AOAH: variants seen among roughly 807,000 people sequenced by gnomAD.
AOAH encodes the protein acyloxyacyl hydrolase (neutrophil).
AOAH carries 64 observed loss-of-function variants against 92.2 expected under a neutral mutation model. The ratio of observed to expected loss-of-function variants is 0.69; its 90% CI spans 0.57 to 0.86. AOAH has a LOEUF of 0.86. Among genes scored for constraint, AOAH ranks in the 40% least tolerant of loss-of-function variants. The pLI, the probability that AOAH is intolerant of heterozygous loss-of-function variation, is 0.00. For synonymous variants in AOAH, 263 were observed against 254.5 expected, an observed-to-expected ratio of 1.03 and a Z score of -0.32; for missense variants, 656 against 694.6, an observed-to-expected ratio of 0.94 and a Z score of 0.62.
At chr7:36,618,555 A>G (rs1471587490) in intron 9 of AOAH, among the ~76,000 whole-genome samples, 1 of 152,254 alleles carries the variant, frequency 6.6e-6, no homozygotes, top group Non-Finnish European at 1.5e-5. Context: ...AGAGAGCCAG[A>G]CACTGAACCA....
intron 19 of AOAH, among the ~76,000 whole-genome samples, chr7:36,523,980 C>T (rs1164657985): frequency 1.3e-5 from 2 of 152,040 alleles, no homozygotes; most frequent in Non-Finnish European, 2.9e-5. Context: ...AGGAGTCTCT[C>T]AAACAAAAAT....
intron 11 of AOAH, among the ~76,000 whole-genome samples, chr7:36,613,783 C>T (rs1176032786): frequency 6.6e-6 from 1 of 152,232 alleles, no homozygotes; most frequent in Non-Finnish European, 1.5e-5. Context: ...GCAATTTCCT[C>T]TCAATTATTG....
At chr7:36,513,435 C>T in intron 20 of AOAH, 55 bp from the exon 21 acceptor site, 1 of 1,568,800 alleles carries the variant, frequency 6.4e-7, no homozygotes, top group Admixed American at 1.7e-5. Flanking sequence ...AAATCACTTA[C>T]CAACAAGATT....
intron 4 of AOAH, among the ~76,000 whole-genome samples, chr7:36,642,620 AT>A: frequency 6.6e-6 from 1 of 152,198 alleles, no homozygotes; most frequent in Non-Finnish European, 1.5e-5. Context: ...GCTAAGAGTA[AT>A]TTGGATGATG....
At chr7:36,676,535 A>C (rs1021231196) in intron 2 of AOAH, among the ~76,000 whole-genome samples, 1 of 152,332 alleles carries the variant, frequency 6.6e-6, no homozygotes, top group African/African-American at 2.4e-5. Flanking sequence ...ATTCTTCCCA[A>C]ACTGATCCAC....
intron 11 of AOAH, among the ~76,000 whole-genome samples, chr7:36,602,944 CA>C (rs1790716782): frequency 6.6e-6 from 1 of 152,128 alleles, no homozygotes; most frequent in Non-Finnish European, 1.5e-5. Flanking sequence ...GAGGCTGTCC[CA>C]AAACCTTGCC....
intron 19 of AOAH, among the ~76,000 whole-genome samples, chr7:36,524,298 G>C (rs1784269779): frequency 6.6e-6 from 1 of 151,950 alleles, no homozygotes; most frequent in Non-Finnish European, 1.5e-5. Flanking sequence ...GCAGTATGAT[G>C]GCATAGGTAA....
chr7:36,606,110 A>C (rs1462953642), intron 11 of AOAH, among the ~76,000 whole-genome samples: 1 of 152,232 alleles, frequency 6.6e-6, no homozygotes, highest in East Asian at 1.9e-4. Flanking sequence ...AGTCGACATG[A>C]AGGTAACTCA....
chr7:36,650,844 C>T (rs4570047), intron 4 of AOAH, among the ~76,000 whole-genome samples: 125,065 of 152,298 alleles, frequency 0.82, 51,714 homozygotes, highest in African/African-American at 0.93. Context: ...AAGAAAGACA[C>T]GGTCCTTGTG....
intron 16 of AOAH, among the ~76,000 whole-genome samples, chr7:36,537,506 GTTTTTTT>G (rs67918250): frequency 7.4e-6 from 1 of 134,802 alleles, no homozygotes; most frequent in African/African-American, 2.7e-5. Context: ...CACCCCTCTT[GTTTTTTT>G]TTTTTTTTTG....
intron 15 of AOAH, among the ~76,000 whole-genome samples, chr7:36,547,622 TG>T (rs1356424223): frequency 6.6e-6 from 1 of 152,030 alleles, no homozygotes; most frequent in East Asian, 1.9e-4. Context: ...AAATAGTGAG[TG>T]GGTGGCTATT....
intron 15 of AOAH, among the ~76,000 whole-genome samples, chr7:36,542,480 T>C (rs1280205451): frequency 6.6e-6 from 1 of 152,204 alleles, no homozygotes; most frequent in African/African-American, 2.4e-5. Flanking sequence ...GCATAAGTGA[T>C]ATGGGAAGAG....
At chr7:36,517,203 TTTC>T (rs1255833151) in intron 20 of AOAH, among the ~76,000 whole-genome samples, 83 of 69,966 alleles carry the variant, frequency 1.2e-3, no homozygotes, top group African/African-American at 4.0e-3. Flanking sequence ...TCTTTCTTTC[TTTC>T]TTTCTTTCTC....
chr7:36,514,576 G>A, intron 20 of AOAH: 2 of 1,535,634 alleles, frequency 1.3e-6, no homozygotes, highest in East Asian at 4.9e-5. Flanking sequence ...TGCCTTTGAG[G>A]AGGATGCTCT....
At chr7:36,586,756 C>T (rs1413285281) in intron 12 of AOAH, among the ~76,000 whole-genome samples, 3 of 152,116 alleles carry the variant, frequency 2.0e-5, no homozygotes, top group Admixed American at 2.0e-4. Context: ...TTTAAATGTA[C>T]ATTTAATTAT....
chr7:36,514,382 A>T, intron 20 of AOAH: 1 of 994,324 alleles, frequency 1.0e-6, no homozygotes, highest in Non-Finnish European at 1.5e-6. Context: ...GCAGGCTGTG[A>T]GGGCAGGGAG....
chr7:36,592,440 C>T (rs370005611), intron 12 of AOAH, among the ~76,000 whole-genome samples: 175 of 152,306 alleles, frequency 1.1e-3, no homozygotes, highest in Middle Eastern at 6.8e-3. Context: ...GTGCAGGCCA[C>T]ACCTCTACAT....
rs180771398 is a variant in AOAH at position 36,639,939 on chromosome 7, G to A, written c.391-2029C>T. On this transcript the variant is annotated intron_variant, in intron 4 of 20. Transcript: ENST00000617537. ...AACCAATCTCATTTTAACCAAGCTC[G>A]GTTCTCTGGGGCTCAATGTTTGTTG... Among the ~76,000 whole-genome samples, 215 of 152,308 alleles carry A rather than the reference G, an allele frequency of 1.4e-3. 3 individuals are homozygous for A. Among genetic ancestry groups the A allele is most frequent in the African/African-American group, 4.5e-3 (188 of 41,574 alleles).
chr7:36,690,187 T>C (rs542850810), intron 1 of AOAH: 3 of 451,180 alleles, frequency 6.6e-6, no homozygotes, highest in Middle Eastern at 3.3e-4. Context: ...CTGGCTAAAA[T>C]TGGAAAATCA....
Sources: gnomAD v4.1 joint callset for allele counts (sites outside exome capture counted in the v4.1 genomes callset) on GRCh38, gnomAD v4.1.1 for gene constraint, MANE v1.5 for transcripts, NCBI Gene and HGNC (gene_info 2026-07-23, HGNC 2026-07-21) for gene names.